Variants in DIMT1 observed in about 807,000 individuals in gnomAD.
DIMT1 encodes DIM1 rRNA methyltransferase and ribosome maturation factor, also known as dimethyladenosine transferase.
DIMT1 carries 36 observed loss-of-function variants against 43.2 expected under a neutral mutation model. That is an observed-to-expected ratio of 0.83 (90% CI 0.64 to 1.10). DIMT1 has a LOEUF of 1.10. Among genes scored for constraint, DIMT1 ranks in the 50% least tolerant of loss-of-function variants. The pLI, the probability that DIMT1 is intolerant of heterozygous loss-of-function variation, is 0.00. For synonymous variants in DIMT1, 126 were observed against 130.3 expected, an observed-to-expected ratio of 0.97 and a Z score of 0.22; for missense variants, 341 against 385.3, an observed-to-expected ratio of 0.88 and a Z score of 0.96.
chr5:62,403,448 A>C, intron 1 of DIMT1, 102 bp from the exon 2 acceptor site: 2 of 1,176,984 alleles, frequency 1.7e-6, no homozygotes, highest in Non-Finnish European at 2.5e-6. Context: ...TTTCTGCGCC[A>C]ACCAGGGCCA....
In DIMT1 at chr5:62,388,580, A is replaced by G; in HGVS notation, c.*430T>C. On this transcript the variant is annotated 3_prime_UTR_variant, in exon 12 of 12. Transcript: ENST00000199320. The stretch of plus-strand genomic sequence containing the variant: ...GTGAATAACAAGAAATGGTACGGGG[A>G]ATGTGAATAACACGAAATGGTATGG... 1 of 159,830 alleles carries G rather than the reference A, an allele frequency of 6.3e-6. No homozygotes were observed. Among genetic ancestry groups the G allele is most frequent in the Non-Finnish European group, 1.4e-5 (1 of 73,262 alleles). 9.9% of individuals were successfully genotyped at this position (159,830 alleles called of 1,614,324 possible).
intron 11 of DIMT1, 107 bp from the exon 12 acceptor site, chr5:62,389,159 C>T: frequency 1.1e-6 from 1 of 944,538 alleles, no homozygotes; most frequent in Non-Finnish European, 1.6e-6. Flanking sequence ...AGCATGCTTA[C>T]AGAGCCCACC....
Position 62,398,587 on chromosome 5 carries a change from C to A in DIMT1, c.397-27G>T. 3 of 1,612,480 alleles carry A rather than the reference C, an allele frequency of 1.9e-6. 1 individual carries two copies. The highest frequency in any genetic ancestry group is 8.5e-7 in the Non-Finnish European group (1 of 1,178,626). ...TGTAAGAGAATTAACTAGTTATTTC[C>A]GGGAAAGACACATCAGAGGAACAGT... On this transcript the variant is annotated intron_variant, in intron 5 of 11. Transcript: ENST00000199320.
Position 62,392,688 on chromosome 5 carries a change from A to C in DIMT1, c.728+238T>G, listed in dbSNP as rs527630965. Reference sequence around the variant, plus strand: ...AAAACTAGAGCAGATATATGGTCAGAGTTTGGGAGTGTTTTCCTGTTTTGC... The same window carrying C: ...AAAACTAGAGCAGATATATGGTCAGCGTTTGGGAGTGTTTTCCTGTTTTGC... On this transcript the variant is annotated intron_variant, in intron 9 of 11. Transcript: ENST00000199320. 2.3e-4 allele frequency: 97 copies of C among 419,678 alleles called. 1 individual carries two copies. The South Asian group carries it at 4.6e-3, about 20-fold the overall frequency. The allele number at this position is 419,678 out of a possible 1,614,324, so 26.0% of individuals were successfully genotyped here. A position where few individuals can be genotyped will look rare whatever the true frequency, so the allele number is the denominator to read the frequency against.
Position 62,392,229 on chromosome 5 carries a change from C to CT in DIMT1, c.733dup (p.Ser245LysfsTer19). 6.2e-7 allele frequency: 1 copy of CT among 1,613,318 alleles called. No individual in the cohort carries two copies. The highest frequency in any genetic ancestry group is 8.5e-7 in the Non-Finnish European group (1 of 1,179,534). On this transcript the variant is annotated frameshift_variant, in exon 10 of 12. Transcript: ENST00000199320. LOFTEE classifies it high-confidence loss of function. ...TTTTTCCAAGAGTTGTTGCACTGCA[C>CT]TTGATCTATAGCATAAAGAAGTGAT...
chr5:62,401,956 T>C, intron 3 of DIMT1, 80 bp downstream of exon 3: 1 of 1,363,098 alleles, frequency 7.3e-7, no homozygotes, highest in South Asian at 1.2e-5. Flanking sequence ...AGCAATTAGT[T>C]AAAACATATT....
At chr5:62,392,461 A>G (rs959635993) in intron 9 of DIMT1, among the ~76,000 whole-genome samples, 1 of 152,032 alleles carries the variant, frequency 6.6e-6, no homozygotes. Context: ...AAATCCTAAT[A>G]CCTCTTAAAT....
chr5:62,402,294 G>C (rs1195989464), intron 2 of DIMT1, among the ~76,000 whole-genome samples, 172 bp from the exon 3 acceptor site: 1 of 152,108 alleles, frequency 6.6e-6, no homozygotes, highest in Admixed American at 6.6e-5. Context: ...ATAACATTTG[G>C]TGCAAATGAA....
In DIMT1 at chr5:62,401,950, A is replaced by G. The variant is rs1229053459; in HGVS notation, c.240+86T>C. The G allele has an allele frequency of 2.3e-6, 3 of 1,287,342 alleles. No homozygotes were observed. In the African/African-American group the frequency reaches 4.5e-5, roughly 19 times the overall value. The allele number at this position is 1,287,342 out of a possible 1,614,324, so 79.7% of individuals were successfully genotyped here. On this transcript the variant is annotated intron_variant, in intron 3 of 11. Coordinates refer to ENST00000199320, the MANE Select transcript of DIMT1 (RefSeq NM_014473.4). ...AGGAGTTACTACTAAAATAATAGCA[A>G]TTAGTTAAAACATATTTAGATTGTA...
Position 62,402,079 on chromosome 5 carries a change from C to G in DIMT1, c.197G>C (p.Gly66Ala). The change falls in exon 3 of 12, where the codon GGA becomes GCA. Residue 66 changes from glycine (G) to alanine (A), a missense_variant. Physicochemically the swap from Gly to Ala is moderately conservative, Grantham distance 60 (BLOSUM62 0). Transcript: ENST00000199320. ...PTDVVLEVGPGTGNMTVKLLE... is the reference protein window; with the variant it reads ...PTDVVLEVGPATGNMTVKLLE... Reference sequence around the variant, plus strand: ...CAACTTTACAGTCATGTTGCCAGTTCCAGGTCCAACTTCCAGCACTACATC... The same window carrying G: ...CAACTTTACAGTCATGTTGCCAGTTGCAGGTCCAACTTCCAGCACTACATC... 3 of 1,613,952 alleles carry G rather than the reference C, an allele frequency of 1.9e-6. 1 individual carries two copies. The highest frequency in any genetic ancestry group is 2.7e-5 in the African/African-American group (2 of 75,018).
chr5:62,402,330 G>A (rs1050134907), intron 2 of DIMT1, among the ~76,000 whole-genome samples: 3 of 152,204 alleles, frequency 2.0e-5, no homozygotes, highest in Non-Finnish European at 2.9e-5. Context: ...CTAACTTGGA[G>A]GAATACTGTT....
chr5:62,397,590 C>G (rs897227932), intron 6 of DIMT1, among the ~76,000 whole-genome samples: 1 of 152,140 alleles, frequency 6.6e-6, no homozygotes, highest in African/African-American at 2.4e-5. Flanking sequence ...TGTCTCAGCC[C>G]TTCTTAAAAT....
rs896425462 is a variant in DIMT1, at chr5:62,389,416, G to A, written c.900-364C>T. On this transcript the variant is annotated intron_variant, in intron 11 of 11. Coordinates refer to ENST00000199320, the MANE Select transcript of DIMT1 (RefSeq NM_014473.4). ...CAGGAGATTTGCCTGAACCCAGGAG[G>A]CGGAGGTTGCAGTGAGCTGAGATTG... 4.1e-5 allele frequency among the ~76,000 whole-genome samples: 6 copies of A among 145,882 alleles called. No homozygotes were observed. The South Asian group carries it at 1.3e-3, about 31-fold the overall frequency.
chr5:62,402,639 G>A (rs1742747247), intron 2 of DIMT1, among the ~76,000 whole-genome samples: 1 of 152,164 alleles, frequency 6.6e-6, no homozygotes, highest in African/African-American at 2.4e-5. Context: ...GGTTAAAATA[G>A]TACATGACCC....
At chr5:62,401,702 C>A (rs1742712831) in intron 3 of DIMT1, among the ~76,000 whole-genome samples, 1 of 149,882 alleles carries the variant, frequency 6.7e-6, no homozygotes, top group Non-Finnish European at 1.5e-5. Flanking sequence ...CCTGCCCCAG[C>A]CTCCCAAGTA....
At chr5:62,396,812 C>T (rs1742514300) in intron 6 of DIMT1, among the ~76,000 whole-genome samples, 1 of 152,194 alleles carries the variant, frequency 6.6e-6, no homozygotes, top group South Asian at 2.1e-4. Context: ...GACTGGTCTG[C>T]TTTTGCTTTG....
rs1742594023 is a variant in DIMT1 at position 62,398,814 on chromosome 5, A to G, written c.302+6T>C. On this transcript the variant is annotated splice_donor_region_variant and intron_variant, in intron 4 of 11. Coordinates refer to ENST00000199320, the MANE Select transcript of DIMT1 (RefSeq NM_014473.4). ...AATGCACTTTAATTCTATTATGTAT[A>G]CTCACGTGCCCTGAACTCTTTTGTG... is the stretch of plus-strand genomic sequence containing the variant. 6.2e-7 allele frequency: 1 copy of G among 1,613,834 alleles called. No individual in the cohort carries two copies. The highest frequency in any genetic ancestry group is 1.3e-5 in the African/African-American group (1 of 74,920).
At position 62,392,221 on chromosome 5, in the gene DIMT1, G is replaced by A; in HGVS notation, c.742C>T (p.Gln248Ter). 1.2e-6 allele frequency: 2 copies of A among 1,613,320 alleles called. No individual in the cohort carries two copies. The highest frequency in any genetic ancestry group is 1.7e-6 in the Non-Finnish European group (2 of 1,179,544). Residue 248 changes from glutamine to a stop codon, truncating the protein, a stop_gained, in exon 10 of 12, where the codon CAA becomes TAA. Transcript: ENST00000199320. LOFTEE classifies it high-confidence loss of function. ...CTGTAGTTTTTTTCCAAGAGTTGTT[G>A]CACTGCACTTGATCTATAGCATAAA... ...LSAAFKSSAVQQLLEKNYRIH... is the reference protein window; with the variant it reads ...LSAAFKSSAV
At position 62,398,716 on chromosome 5, in the gene DIMT1, A is replaced by G. The variant is rs760700729; in HGVS notation, c.326T>C (p.Val109Ala). ...TGTTTTCAGCACATCACCCACCAGTACTTGAAGTTTGCTGGCCACAGGCCT... is the reference window on the plus strand; with the variant it reads ...TGTTTTCAGCACATCACCCACCAGTGCTTGAAGTTTGCTGGCCACAGGCCT... ...QGTPVASKLQVLVGDVLKTDL... is the reference protein window; with the variant it reads ...QGTPVASKLQALVGDVLKTDL... The change falls in exon 5 of 12, where the codon GTA (valine) becomes GCA (alanine). Residue 109 changes from valine to alanine, a missense_variant. Val to Ala is a moderately conservative substitution (Grantham distance 64). Transcript: ENST00000199320. The G allele has an allele frequency of 6.2e-7, 1 of 1,614,220 alleles. No individual in the cohort carries two copies. Among genetic ancestry groups the G allele is most frequent in the Non-Finnish European group, 8.5e-7 (1 of 1,180,034 alleles).
Sources: allele counts gnomAD v4.1 joint callset (sites outside exome capture counted in the v4.1 genomes callset), GRCh38; gene constraint gnomAD v4.1.1; transcripts MANE v1.5; gene names NCBI Gene and HGNC (gene_info 2026-07-23, HGNC 2026-07-21).